Variants in CNTN3 observed in about 807,000 individuals in gnomAD.
The protein encoded by CNTN3 is contactin 3.
Under a neutral mutation model 119.1 loss-of-function variants are expected in CNTN3, and 60 were observed. That is an observed-to-expected ratio of 0.50 (90% CI 0.41 to 0.62). The LOEUF is 0.62. Among genes scored for constraint, CNTN3 ranks in the 20% least tolerant of loss-of-function variants. CNTN3 has a pLI of 0.00. For missense variants in CNTN3, 1,101 were observed against 1,242.4 expected (o/e 0.89, Z 1.71); for synonymous variants, 450 against 438.7 (o/e 1.03, Z -0.32).
At chr3:74,286,652 A>G (rs1490584466) in intron 19 of CNTN3, among the ~76,000 whole-genome samples, 1 of 152,194 alleles carries the variant, frequency 6.6e-6, no homozygotes, top group African/African-American at 2.4e-5. Context: ...ATTCAAAGGG[A>G]AAAAGGCTGA....
chr3:74,401,480 C>T (rs977592525), intron 5 of CNTN3, among the ~76,000 whole-genome samples: 1 of 152,010 alleles, frequency 6.6e-6, no homozygotes, highest in Admixed American at 6.6e-5. Flanking sequence ...ACTCTCTCCT[C>T]TCTTTCTCTA....
intron 1 of CNTN3, among the ~76,000 whole-genome samples, chr3:74,523,962 AG>A (rs2107125999): frequency 6.6e-6 from 1 of 152,046 alleles, no homozygotes; most frequent in East Asian, 2.0e-4. Context: ...CTGAGCTTTA[AG>A]AACAATGAAT....
chr3:74,584,893 G>A (rs556060774), intron 1 of CNTN3, among the ~76,000 whole-genome samples: 1 of 152,140 alleles, frequency 6.6e-6, no homozygotes, highest in East Asian at 1.9e-4. Flanking sequence ...AACAACCCTG[G>A]CTCTTTCCAT....
chr3:74,504,594 TCTTA>T (rs1703220121), intron 2 of CNTN3, among the ~76,000 whole-genome samples: 2 of 152,166 alleles, frequency 1.3e-5, no homozygotes, highest in Admixed American at 6.6e-5. Context: ...AAGTATTCGA[TCTTA>T]GAATATTTCA....
intron 4 of CNTN3, among the ~76,000 whole-genome samples, chr3:74,458,452 A>C (rs1177287104): frequency 3.3e-5 from 5 of 151,988 alleles, no homozygotes; most frequent in African/African-American, 1.2e-4. Flanking sequence ...AAATTATATG[A>C]AACAAAAATT....
At chr3:74,536,781 C>T (rs1463914296) in intron 1 of CNTN3, among the ~76,000 whole-genome samples, 1 of 151,980 alleles carries the variant, frequency 6.6e-6, no homozygotes, top group East Asian at 1.9e-4. Flanking sequence ...TTCAGAGTAA[C>T]AAAAACAAGT....
At chr3:74,414,030 G>T (rs1166732161) in intron 5 of CNTN3, among the ~76,000 whole-genome samples, 4 of 152,152 alleles carry the variant, frequency 2.6e-5, no homozygotes, top group Non-Finnish European at 5.9e-5. Flanking sequence ...CCTTAACCAA[G>T]TGGTAAGAGA....
chr3:74,377,165 T>G (rs769805307), intron 5 of CNTN3, among the ~76,000 whole-genome samples: 12 of 152,096 alleles, frequency 7.9e-5, no homozygotes, highest in Non-Finnish European at 1.6e-4. Flanking sequence ...TACACTGTCA[T>G]GAGAGGTATG....
intron 1 of CNTN3, among the ~76,000 whole-genome samples, chr3:74,610,151 C>T (rs554292995): frequency 6.6e-6 from 1 of 151,940 alleles, no homozygotes; most frequent in African/African-American, 2.4e-5. Flanking sequence ...GGTGAATTCC[C>T]ATCTCTACAA....
chr3:74,281,303 G>T (rs1702002732), intron 20 of CNTN3, among the ~76,000 whole-genome samples: 1 of 152,052 alleles, frequency 6.6e-6, no homozygotes. Context: ...TGTCAGCAGT[G>T]TAAGATGTGG....
At chr3:74,563,345 T>C (rs1055296611) in intron 1 of CNTN3, among the ~76,000 whole-genome samples, 4 of 152,162 alleles carry the variant, frequency 2.6e-5, no homozygotes, top group African/African-American at 9.7e-5. Context: ...CATCTACAAG[T>C]GCCAAATTCC....
At chr3:74,552,686 C>T (rs1338850446) in intron 1 of CNTN3, among the ~76,000 whole-genome samples, 7 of 152,164 alleles carry the variant, frequency 4.6e-5, no homozygotes, top group African/African-American at 1.7e-4. Flanking sequence ...AAGGAAGGGA[C>T]CTGTAATCCC....
chr3:74,577,879 A>C (rs1411490306), intron 1 of CNTN3, among the ~76,000 whole-genome samples: 1 of 152,116 alleles, frequency 6.6e-6, no homozygotes, highest in African/African-American at 2.4e-5. Context: ...CATGCCTGGC[A>C]CAAGGCAAGC....
intron 1 of CNTN3, among the ~76,000 whole-genome samples, chr3:74,589,287 G>T (rs1704655678): frequency 1.3e-5 from 2 of 152,088 alleles, no homozygotes; most frequent in East Asian, 3.9e-4. Context: ...GCATCAAAAA[G>T]TGGGCAAAGG....
rs1315284659 is a variant in CNTN3, at chr3:74,614,495, G to A, written c.-185C>T. Among the ~76,000 whole-genome samples, 1 of 146,020 alleles carries A rather than the reference G, an allele frequency of 6.8e-6. No homozygotes were observed. Among genetic ancestry groups the A allele is most frequent in the Non-Finnish European group, 1.5e-5 (1 of 65,902 alleles). On this transcript the variant is annotated 5_prime_UTR_variant, in exon 1 of 23. Transcript: ENST00000263665. ...CGCCGCCGCAGTTAGTCCGGGCCCG[G>A]GGGGCCGCCGTGCGCGCCCGCGTAA...
At chr3:74,316,429 G>T (rs565092225) in intron 13 of CNTN3, among the ~76,000 whole-genome samples, 2 of 152,274 alleles carry the variant, frequency 1.3e-5, no homozygotes, top group South Asian at 4.1e-4. Flanking sequence ...GCATTTTGGA[G>T]ATTTCCCAAA....
intron 4 of CNTN3, among the ~76,000 whole-genome samples, chr3:74,470,870 TTTGTTG>T (rs143906469): frequency 0.57 from 85,138 of 150,604 alleles, 24,519 homozygotes; most frequent in African/African-American, 0.64. Context: ...TATTCGGTTT[TTTGTTG>T]TTGTTGTTGT....
chr3:74,359,890 C>T (rs1343968232), intron 11 of CNTN3, among the ~76,000 whole-genome samples: 2 of 152,158 alleles, frequency 1.3e-5, no homozygotes, highest in African/African-American at 4.8e-5. Context: ...GAGTTAACTT[C>T]TAGCATAGCC....
intron 19 of CNTN3, among the ~76,000 whole-genome samples, chr3:74,293,179 G>C (rs1702269163): frequency 6.6e-6 from 1 of 152,178 alleles, no homozygotes; most frequent in African/African-American, 2.4e-5. Flanking sequence ...TGGATTGAGT[G>C]GGTCCTGGGA....
Sources: allele counts gnomAD v4.1 joint callset (sites outside exome capture counted in the v4.1 genomes callset), GRCh38; gene constraint gnomAD v4.1.1; transcripts MANE v1.5; gene names NCBI Gene and HGNC (gene_info 2026-07-23, HGNC 2026-07-21).